SCPEP1: variants seen among roughly 807,000 people sequenced by gnomAD.
SCPEP1 encodes serine carboxypeptidase 1.
Under a neutral mutation model 63.8 loss-of-function variants are expected in SCPEP1, and 51 were observed. The observed-to-expected ratio is 0.80, with a 90% CI of 0.64 to 1.01. SCPEP1 has a LOEUF of 1.01. SCPEP1 is among the 50% of genes least tolerant of loss of function. The pLI is 0.00. For synonymous variants in SCPEP1, 204 were observed against 207.8 expected (o/e 0.98, Z 0.16); for missense variants, 499 against 554.9 (o/e 0.90, Z 1.01).
At chr17:57,005,515 G>T (rs1048732392) in intron 12 of SCPEP1, among the ~76,000 whole-genome samples, 3 of 152,094 alleles carry the variant, frequency 2.0e-5, no homozygotes, top group Non-Finnish European at 4.4e-5. Context: ...GTCAAGGATG[G>T]GTGTGCCATA....
At chr17:56,979,536 C>A (rs557695436) in intron 1 of SCPEP1, among the ~76,000 whole-genome samples, 42 of 151,070 alleles carry the variant, frequency 2.8e-4, no homozygotes, top group African/African-American at 1.0e-3. Context: ...GAAATTGTTA[C>A]GTTAGCAAAA....
chr17:56,998,332 C>T, intron 9 of SCPEP1, 53 bp from the exon 10 acceptor site: 1 of 1,214,552 alleles, frequency 8.2e-7, no homozygotes. Flanking sequence ...AAAAGATGTC[C>T]TCTTGGCCTT....
At chr17:56,988,051 G>A (rs1176031280) in intron 4 of SCPEP1, among the ~76,000 whole-genome samples, 165 bp from the exon 5 acceptor site, 1 of 152,222 alleles carries the variant, frequency 6.6e-6, no homozygotes, top group Non-Finnish European at 1.5e-5. Flanking sequence ...ACCTTGGAGT[G>A]AGCATTCTAA....
At chr17:56,993,648 T>G (rs532562877) in intron 6 of SCPEP1, among the ~76,000 whole-genome samples, 2 of 152,234 alleles carry the variant, frequency 1.3e-5, no homozygotes, top group Admixed American at 6.5e-5. Context: ...GGTTTCACCA[T>G]GTTGGCCAGG....
At chr17:56,994,847 GAGGAGC>G (rs1911499046) in intron 6 of SCPEP1, 128 bp from the exon 7 acceptor site, 1 of 727,056 alleles carries the variant, frequency 1.4e-6, no homozygotes, top group Non-Finnish European at 2.4e-6. Flanking sequence ...CAGGTGAATT[GAGGAGC>G]CTTCCAATCC....
chr17:56,979,556 G>T (rs983310763), intron 1 of SCPEP1, among the ~76,000 whole-genome samples: 1 of 151,636 alleles, frequency 6.6e-6, no homozygotes, highest in Non-Finnish European at 1.5e-5. Flanking sequence ...AAGTGACAAA[G>T]AAAATGTATT....
At chr17:56,991,415 C>T (rs1200961126) in intron 6 of SCPEP1, among the ~76,000 whole-genome samples, 1 of 152,188 alleles carries the variant, frequency 6.6e-6, no homozygotes, top group Non-Finnish European at 1.5e-5. Context: ...TGGAGGCATT[C>T]TGAAGACTCA....
Position 56,981,163 on chromosome 17 carries a change from G to C in SCPEP1, c.158G>C (p.Trp53Ser). ...VTVRKDAYMF[W>S]WLYYATNSCK... ...GTCCGCAAGGATGCCTACATGTTCT[G>C]GTGGCTCTATTATGCCACCAACTCC... The change falls in exon 2 of 13, where the codon TGG becomes TCG. Residue 53 changes from tryptophan to serine, a missense_variant. By Grantham distance (177) the Trp-to-Ser change is radical. Coordinates refer to ENST00000262288, the MANE Select transcript of SCPEP1 (RefSeq NM_021626.3). The C allele has an allele frequency of 1.2e-6, 2 of 1,614,104 alleles. No homozygotes were observed. The highest frequency in any genetic ancestry group is 1.7e-6 in the Non-Finnish European group (2 of 1,180,014).
At chr17:56,997,090 T>A in intron 9 of SCPEP1, 35 bp downstream of exon 9, 9 of 1,241,098 alleles carry the variant, frequency 7.3e-6, no homozygotes, top group Non-Finnish European at 1.0e-5. Context: ...AGTCCCTGCC[T>A]CAGCCTCCAT....
chr17:56,990,303 T>C (rs1911353987), intron 5 of SCPEP1, among the ~76,000 whole-genome samples: 3 of 152,250 alleles, frequency 2.0e-5, no homozygotes, highest in Non-Finnish European at 4.4e-5. Context: ...CATTTCCTTC[T>C]ATCTCCTATG....
intron 5 of SCPEP1, among the ~76,000 whole-genome samples, chr17:56,990,743 C>T (rs1010161847): frequency 6.6e-6 from 1 of 151,884 alleles, no homozygotes; most frequent in East Asian, 1.9e-4. Flanking sequence ...CAAGTATCCT[C>T]CTGCCTCAGC....
At chr17:56,981,924 C>A (rs1911080196) in intron 2 of SCPEP1, among the ~76,000 whole-genome samples, 1 of 152,204 alleles carries the variant, frequency 6.6e-6, no homozygotes, top group Non-Finnish European at 1.5e-5. Context: ...TGAACCCTAA[C>A]TTCTTACCCC....
Position 56,998,375 on chromosome 17 carries a change from T to A in SCPEP1, c.881-10T>A, listed in dbSNP as rs768001230. 1 of 1,604,746 alleles carries A rather than the reference T, an allele frequency of 6.2e-7. No homozygotes were observed. Among genetic ancestry groups the A allele is most frequent in the East Asian group, 2.2e-5 (1 of 44,786 alleles). ...GCCCTTTGACTCACTATCTACCAGTTTGGTTTTAGTTTGTCTTTGTCAGCG... is the reference window on the plus strand; with the variant it reads ...GCCCTTTGACTCACTATCTACCAGTATGGTTTTAGTTTGTCTTTGTCAGCG... On this transcript the variant is annotated splice_polypyrimidine_tract_variant and intron_variant, in intron 9 of 12. Coordinates refer to ENST00000262288, the MANE Select transcript of SCPEP1 (RefSeq NM_021626.3).
At chr17:56,985,344 T>A in intron 2 of SCPEP1, 34 bp from the exon 3 acceptor site, 2 of 1,555,776 alleles carry the variant, frequency 1.3e-6, no homozygotes, top group South Asian at 1.1e-5. Context: ...AAGATCTGAC[T>A]AAAATTTTTG....
intron 6 of SCPEP1, among the ~76,000 whole-genome samples, chr17:56,993,975 G>A (rs1048364116): frequency 6.6e-6 from 1 of 152,218 alleles, no homozygotes; most frequent in Non-Finnish European, 1.5e-5. Flanking sequence ...GTTAAGCCCG[G>A]GAGGTGATTA....
rs193169308 is a variant in SCPEP1, at chr17:56,980,012, T to C, written c.77-1070T>C. On this transcript the variant is annotated intron_variant, in intron 1 of 12. Transcript: ENST00000262288. Reference sequence around the variant, plus strand: ...GAGAGGACCTAAATTTCTCTTTTTTTCTCCAAAAAAGGTAATTGTTGCTCC... The same window carrying C: ...GAGAGGACCTAAATTTCTCTTTTTTCCTCCAAAAAAGGTAATTGTTGCTCC... Among the ~76,000 whole-genome samples the C allele has an allele frequency of 2.5e-3, 382 of 152,356 alleles. 14 individuals carry two copies. In the South Asian group the frequency reaches 0.072, roughly 29 times the overall value.
rs368626892 is a variant in SCPEP1 at position 56,987,733 on chromosome 17, G to A, written c.354G>A (p.Val118=). ...GTCTCCTATTTGTGGATAATCCCGT[G>A]GGCACTGGGTTCAGTTATGTGAATG... ...AASLLFVDNP[V]GTGFSYVNGS... Residue 118 remains valine, a synonymous_variant, in exon 4 of 13, where the codon GTG becomes GTA. Transcript: ENST00000262288. 2.8e-4 allele frequency: 453 copies of A among 1,613,834 alleles called. 2 individuals are homozygous for A. The highest frequency in any genetic ancestry group is 3.8e-4 in the Non-Finnish European group (449 of 1,179,982).
chr17:57,001,541 G>A (rs1378258602), intron 11 of SCPEP1, among the ~76,000 whole-genome samples: 1 of 152,200 alleles, frequency 6.6e-6, no homozygotes, highest in Non-Finnish European at 1.5e-5. Flanking sequence ...GAGGCACAAG[G>A]TCTGACGGAT....
chr17:56,979,690 T>TA (rs1293861178), intron 1 of SCPEP1, among the ~76,000 whole-genome samples: 3 of 152,186 alleles, frequency 2.0e-5, no homozygotes, highest in African/African-American at 4.8e-5. Context: ...TCGTTCAGTT[T>TA]AAAAAAATCA....
Sources: allele counts gnomAD v4.1 joint callset (sites outside exome capture counted in the v4.1 genomes callset), GRCh38; gene constraint gnomAD v4.1.1; transcripts MANE v1.5; gene names NCBI Gene and HGNC (gene_info 2026-07-23, HGNC 2026-07-21).